The following ELMO1 variants were observed in gnomAD, a reference collection of about 807,000 sequenced individuals.
ELMO1 encodes the protein engulfment and cell motility protein 1.
In ELMO1, 26 loss-of-function variants were observed where a neutral mutation model predicts 98.9. The observed-to-expected ratio is 0.26, with a 90% CI of 0.19 to 0.36. The LOEUF (loss-of-function observed/expected upper bound fraction) is 0.36, where lower values mean the gene tolerates loss of function less well. ELMO1 is among the 10% of genes least tolerant of loss of function. ELMO1 has a pLI of 1.00. For missense variants in ELMO1, 627 were observed against 935.2 expected (o/e 0.67, Z 4.30); for synonymous variants, 346 against 346.0 (o/e 1.00, Z 0.00).
intron 15 of ELMO1, among the ~76,000 whole-genome samples, chr7:37,045,785 A>T (rs1405670203): frequency 6.6e-6 from 1 of 152,220 alleles, no homozygotes; most frequent in Non-Finnish European, 1.5e-5. Context: ...TCTATGATGG[A>T]AAGTATCTTT....
chr7:37,095,839 C>T (rs890670420), intron 15 of ELMO1, among the ~76,000 whole-genome samples: 6 of 152,262 alleles, frequency 3.9e-5, no homozygotes, highest in East Asian at 1.9e-4. Flanking sequence ...CTGGTATAAA[C>T]AGTCTTTTCT....
At chr7:37,283,630 G>C (rs1439792466) in intron 4 of ELMO1, among the ~76,000 whole-genome samples, 2 of 152,226 alleles carry the variant, frequency 1.3e-5, no homozygotes, top group South Asian at 2.1e-4. Flanking sequence ...TTCAGACAGT[G>C]GGGCAGCCCC....
chr7:36,992,670 C>T (rs1791956015), intron 16 of ELMO1, among the ~76,000 whole-genome samples: 1 of 152,168 alleles, frequency 6.6e-6, no homozygotes, highest in Admixed American at 6.5e-5. Flanking sequence ...ATCACATCCT[C>T]CTTGGTTTTC....
At chr7:37,268,924 A>T (rs1796407619) in intron 5 of ELMO1, among the ~76,000 whole-genome samples, 1 of 152,248 alleles carries the variant, frequency 6.6e-6, no homozygotes, top group Non-Finnish European at 1.5e-5. Flanking sequence ...ACATAAAAAC[A>T]GCAGTGTGTG....
intron 18 of ELMO1, among the ~76,000 whole-genome samples, chr7:36,879,420 C>A (rs1003315785): frequency 8.5e-5 from 13 of 152,192 alleles, no homozygotes; most frequent in African/African-American, 3.1e-4. Context: ...ATTATTGCAC[C>A]TGAAATATAA....
intron 2 of ELMO1, among the ~76,000 whole-genome samples, chr7:37,330,432 TTTTTG>T (rs1333059595): frequency 5.9e-5 from 9 of 152,190 alleles, no homozygotes; most frequent in Admixed American, 4.6e-4. Flanking sequence ...CTGCTGTTGG[TTTTTG>T]TTTTGTTTCT....
At chr7:37,329,222 G>A (rs1400983332) in intron 2 of ELMO1, among the ~76,000 whole-genome samples, 1 of 152,174 alleles carries the variant, frequency 6.6e-6, no homozygotes, top group East Asian at 1.9e-4. Context: ...AGGCAAGATA[G>A]AGGAAAAAAT....
chr7:37,179,257 A>G (rs945595326), intron 13 of ELMO1, among the ~76,000 whole-genome samples: 1 of 150,430 alleles, frequency 6.6e-6, no homozygotes, highest in African/African-American at 2.4e-5. Flanking sequence ...TCCAAATTTA[A>G]TCTGAATGTT....
intron 1 of ELMO1, among the ~76,000 whole-genome samples, chr7:37,376,624 G>A (rs1482634665): frequency 6.6e-6 from 1 of 151,880 alleles, no homozygotes; most frequent in Non-Finnish European, 1.5e-5. Context: ...GACAGTTTTC[G>A]ACACTCCTGT....
chr7:36,946,291 T>C (rs1787477360), intron 16 of ELMO1, among the ~76,000 whole-genome samples: 1 of 152,202 alleles, frequency 6.6e-6, no homozygotes, highest in East Asian at 1.9e-4. Flanking sequence ...ATAAAGGAAA[T>C]TTCCATCACT....
chr7:37,319,498 T>A (rs1291165605), intron 2 of ELMO1, among the ~76,000 whole-genome samples: 1 of 152,130 alleles, frequency 6.6e-6, no homozygotes, highest in Non-Finnish European at 1.5e-5. Context: ...CCCAATCTCA[T>A]CACCCTTAAT....
In ELMO1 at chr7:36,855,327, G is replaced by A. The variant is rs1465195877; in HGVS notation, c.*224C>T. 2 of 576,534 alleles carry A rather than the reference G, an allele frequency of 3.5e-6. No individual in the cohort carries two copies. Among genetic ancestry groups the A allele is most frequent in the African/African-American group, 3.7e-5 (2 of 53,442 alleles). 35.7% of individuals were successfully genotyped at this position (576,534 alleles called of 1,614,324 possible). The stretch of plus-strand genomic sequence containing the variant: ...TCCCACCAGTGGACTGCAGCCATGG[G>A]AAGTGACCTGAAGCAGTGGAGCCGA... On this transcript the variant is annotated 3_prime_UTR_variant, in exon 22 of 22. Coordinates refer to ENST00000310758, the MANE Select transcript of ELMO1 (RefSeq NM_014800.11). The surrounding 1 kb of genome is among the most constrained non-coding windows in gnomAD (Gnocchi z 4.2).
At chr7:36,940,482 A>C (rs2099832758) in intron 16 of ELMO1, among the ~76,000 whole-genome samples, 1 of 152,240 alleles carries the variant, frequency 6.6e-6, no homozygotes, top group South Asian at 2.1e-4. Flanking sequence ...TAGTGATTTA[A>C]AGCACAGGCT....
chr7:37,183,488 A>C (rs557030169), intron 13 of ELMO1, among the ~76,000 whole-genome samples: 1 of 152,300 alleles, frequency 6.6e-6, no homozygotes, highest in South Asian at 2.1e-4. Flanking sequence ...CTACACATGA[A>C]TCCAACTTTT....
At chr7:37,228,644 A>G (rs1259692401) in intron 8 of ELMO1, among the ~76,000 whole-genome samples, 1 of 152,236 alleles carries the variant, frequency 6.6e-6, no homozygotes, top group East Asian at 1.9e-4. Flanking sequence ...CAACGATCCA[A>G]TAAATACTTC....
In ELMO1 at chr7:36,854,348, C is replaced by G. The variant is rs1802041730; in HGVS notation, c.*1203G>C. ...GAACCTAAGTTACTAAATCAAAACA[C>G]CAGCTCCCCAAATCATCACAATCCA... is the stretch of plus-strand genomic sequence containing the variant. On this transcript the variant is annotated 3_prime_UTR_variant, in exon 22 of 22. Transcript: ENST00000310758. 1 of 152,338 alleles carries G rather than the reference C, an allele frequency of 6.6e-6. No homozygotes were observed. Among genetic ancestry groups the G allele is most frequent in the Non-Finnish European group, 1.5e-5 (1 of 68,018 alleles). The allele number at this position is 152,338 out of a possible 1,614,324, so 9.4% of individuals were successfully genotyped here. A position where few individuals can be genotyped will look rare whatever the true frequency, so the allele number is the denominator to read the frequency against.
rs368602552 is a variant in ELMO1, at chr7:36,930,150, G to A, written c.1438-35133C>T. Among the ~76,000 whole-genome samples, 63 of 152,302 alleles carry A rather than the reference G, an allele frequency of 4.1e-4. 2 individuals are homozygous for A. In the South Asian group the frequency reaches 0.011, roughly 26 times the overall value. On this transcript the variant is annotated intron_variant, in intron 16 of 21. Transcript: ENST00000310758. The stretch of plus-strand genomic sequence containing the variant: ...AACTGAACTGACTACCCTGGTGTAC[G>A]GGTCTCCCCAGCCCATGGGCAAGCT...
At chr7:37,195,042 T>C (rs1791880602) in intron 13 of ELMO1, among the ~76,000 whole-genome samples, 1 of 152,164 alleles carries the variant, frequency 6.6e-6, no homozygotes, top group African/African-American at 2.4e-5. Flanking sequence ...TGGTGGGACA[T>C]CAGGCTAATA....
Position 37,342,009 on chromosome 7 carries a change from C to G in ELMO1, c.78+604G>C, listed in dbSNP as rs894308078. Among the ~76,000 whole-genome samples, 2 of 152,064 alleles carry G rather than the reference C, an allele frequency of 1.3e-5. No homozygotes were observed. Among genetic ancestry groups the G allele is most frequent in the African/African-American group, 4.8e-5 (2 of 41,392 alleles). ...TTAAAGGATGCCTTTATGGGTCAAG[C>G]CACTTTTATAAGTCTTCTTGATATT... is the stretch of plus-strand genomic sequence containing the variant. On this transcript the variant is annotated intron_variant, in intron 2 of 21. Transcript: ENST00000310758. This position sits in a 1 kb window ranked among gnomAD's most constrained non-coding sequence, Gnocchi z 4.3.
Sources: allele counts gnomAD v4.1 joint callset (sites outside exome capture counted in the v4.1 genomes callset), GRCh38; gene constraint gnomAD v4.1.1; non-coding constraint Gnocchi (gnomAD v3.1); transcripts MANE v1.5; gene names NCBI Gene and HGNC (gene_info 2026-07-23, HGNC 2026-07-21).